The following GPR158 variants were observed in gnomAD, a reference collection of about 807,000 sequenced individuals.
The protein encoded by GPR158 is metabotropic glycine receptor.
A neutral mutation model predicts 78.2 loss-of-function variants in GPR158; 30 were observed. The ratio of observed to expected loss-of-function variants is 0.38; its 90% CI spans 0.29 to 0.52. GPR158 has a LOEUF of 0.52. GPR158 is among the 20% of genes least tolerant of loss of function. The pLI, the probability that GPR158 is intolerant of heterozygous loss-of-function variation, is 0.83. For synonymous variants in GPR158, 581 were observed against 591.1 expected (o/e 0.98, Z 0.25); for missense variants, 1,463 against 1,523.5 (o/e 0.96, Z 0.66).
chr10:25,520,401 G>C (rs1436603050), intron 5 of GPR158, among the ~76,000 whole-genome samples: 1 of 149,174 alleles, frequency 6.7e-6, no homozygotes, highest in Non-Finnish European at 1.5e-5. Context: ...ATCCAGCTTT[G>C]TTCTGTTGCT....
At chr10:25,185,680 A>C (rs1852674273) in intron 1 of GPR158, among the ~76,000 whole-genome samples, 1 of 152,158 alleles carries the variant, frequency 6.6e-6, no homozygotes. Flanking sequence ...AAAATTAGCC[A>C]GGCGTGGTGG....
intron 2 of GPR158, among the ~76,000 whole-genome samples, chr10:25,280,963 C>T (rs750103921): frequency 2.0e-5 from 3 of 151,386 alleles, no homozygotes; most frequent in Non-Finnish European, 2.9e-5. Flanking sequence ...GGCAAAATCC[C>T]CTCTCTACTA....
intron 5 of GPR158, among the ~76,000 whole-genome samples, chr10:25,508,501 CA>C (rs1477370786): frequency 6.6e-6 from 1 of 152,106 alleles, no homozygotes; most frequent in Non-Finnish European, 1.5e-5. Context: ...CTTTTTACAA[CA>C]AAAGGTGAAC....
chr10:25,328,186 A>G (rs950391599), intron 2 of GPR158, among the ~76,000 whole-genome samples: 1 of 152,090 alleles, frequency 6.6e-6, no homozygotes, highest in Admixed American at 6.5e-5. Context: ...ATACATAGAT[A>G]TATATAGATA....
chr10:25,546,982 T>A (rs373798980), intron 5 of GPR158, among the ~76,000 whole-genome samples: 13 of 152,274 alleles, frequency 8.5e-5, no homozygotes, highest in African/African-American at 3.1e-4. Flanking sequence ...AGACTCTTGC[T>A]AACCATCTTA....
chr10:25,277,831 G>C (rs1016948228), intron 2 of GPR158, among the ~76,000 whole-genome samples: 1 of 152,158 alleles, frequency 6.6e-6, no homozygotes, highest in African/African-American at 2.4e-5. Flanking sequence ...TGGTTTTAGG[G>C]AAGAGACAGG....
intron 4 of GPR158, among the ~76,000 whole-genome samples, chr10:25,449,875 C>A (rs906977551): frequency 7.9e-5 from 12 of 152,022 alleles, no homozygotes; most frequent in African/African-American, 2.9e-4. Flanking sequence ...TATCCCAATA[C>A]ACCCAGTTAT....
chr10:25,176,079 C>T lies in GPR158; in HGVS notation c.659C>T (p.Thr220Ile). 6.3e-7 allele frequency: 1 copy of T among 1,598,548 alleles called. No individual in the cohort carries two copies. The highest frequency in any genetic ancestry group is 8.5e-7 in the Non-Finnish European group (1 of 1,173,212). Residue 220 changes from threonine to isoleucine, a missense_variant, in exon 1 of 11, where the codon ACC (threonine) becomes ATC (isoleucine). Coordinates refer to ENST00000376351, the MANE Select transcript of GPR158 (RefSeq NM_020752.3). The surrounding 1 kb of genome is among the most constrained non-coding windows in gnomAD (Gnocchi z 6.3). ...APHLANATLETEWFHGLRRKW... is the reference protein window; with the variant it reads ...APHLANATLEIEWFHGLRRKW... Reference sequence around the variant, plus strand: ...CACCTGGCCAACGCCACTCTGGAGACCGAGTGGTTCCACGGCCTCCGGCGC... The same window carrying T: ...CACCTGGCCAACGCCACTCTGGAGATCGAGTGGTTCCACGGCCTCCGGCGC...
intron 4 of GPR158, among the ~76,000 whole-genome samples, chr10:25,434,693 T>C (rs1473194828): frequency 6.6e-6 from 1 of 152,212 alleles, no homozygotes; most frequent in Non-Finnish European, 1.5e-5. Flanking sequence ...CACAGTGTGT[T>C]GAGAATAGTG....
At chr10:25,580,999 A>G (rs1018631589) in intron 7 of GPR158, among the ~76,000 whole-genome samples, 4 of 144,876 alleles carry the variant, frequency 2.8e-5, no homozygotes, top group African/African-American at 7.6e-5. Context: ...ATCTCGGCTC[A>G]CTGCAAGCTC....
At chr10:25,553,302 T>G (rs1407057331) in intron 6 of GPR158, among the ~76,000 whole-genome samples, 1 of 152,152 alleles carries the variant, frequency 6.6e-6, no homozygotes, top group Non-Finnish European at 1.5e-5. Context: ...AAAAATGAAA[T>G]TAAAACTATT....
chr10:25,483,649 G>A (rs1432330049), intron 5 of GPR158, among the ~76,000 whole-genome samples: 2 of 151,352 alleles, frequency 1.3e-5, no homozygotes, highest in African/African-American at 2.4e-5. Context: ...GCTGTTTTTC[G>A]GCACCTGGAA....
At chr10:25,214,814 A>G (rs1349239942) in intron 1 of GPR158, among the ~76,000 whole-genome samples, 1 of 152,010 alleles carries the variant, frequency 6.6e-6, no homozygotes, top group Admixed American at 6.5e-5. Flanking sequence ...GCCATTTACA[A>G]GTCAGGGAGA....
chr10:25,486,549 A>C (rs1835737977), intron 5 of GPR158, among the ~76,000 whole-genome samples: 1 of 152,136 alleles, frequency 6.6e-6, no homozygotes, highest in Non-Finnish European at 1.5e-5. Flanking sequence ...GATGAAGTGC[A>C]TATCCTCAGC....
chr10:25,374,851 C>G (rs1450687516), intron 2 of GPR158, among the ~76,000 whole-genome samples: 1 of 151,638 alleles, frequency 6.6e-6, no homozygotes, highest in Non-Finnish European at 1.5e-5. Flanking sequence ...TAAAGCCAAA[C>G]ACTTATGTAC....
intron 4 of GPR158, among the ~76,000 whole-genome samples, chr10:25,457,601 A>G (rs1835307976): frequency 6.6e-6 from 1 of 152,230 alleles, no homozygotes; most frequent in Non-Finnish European, 1.5e-5. Flanking sequence ...AATGAGGCCA[A>G]GTAAGGGCAA....
chr10:25,472,791 T>G (rs192724603), intron 5 of GPR158, among the ~76,000 whole-genome samples: 2 of 152,360 alleles, frequency 1.3e-5, no homozygotes, highest in Admixed American at 1.3e-4. Context: ...TTGTGATTTT[T>G]GCACATTGAT....
intron 2 of GPR158, among the ~76,000 whole-genome samples, chr10:25,251,692 C>T (rs1011570114): frequency 3.3e-4 from 50 of 151,838 alleles, no homozygotes; most frequent in Non-Finnish European, 6.3e-4. Flanking sequence ...TGCTGTTAGT[C>T]TGATGGGCTT....
intron 2 of GPR158, among the ~76,000 whole-genome samples, chr10:25,306,472 C>T (rs1227927142): frequency 6.6e-6 from 1 of 150,698 alleles, no homozygotes; most frequent in East Asian, 2.0e-4. Context: ...TTGGAGAATA[C>T]AAGTGTTAAT....
Sources: gnomAD v4.1 joint callset for allele counts (sites outside exome capture counted in the v4.1 genomes callset) on GRCh38, gnomAD v4.1.1 for gene constraint, Gnocchi (gnomAD v3.1) non-coding constraint, MANE v1.5 for transcripts, NCBI Gene and HGNC (gene_info 2026-07-23, HGNC 2026-07-21) for gene names.